Variants in PARD3B observed in about 807,000 individuals in gnomAD.
PARD3B encodes the protein par-3 family cell polarity regulator beta.
A neutral mutation model predicts 130.2 loss-of-function variants in PARD3B; 103 were observed. The observed-to-expected ratio is 0.79, with a 90% CI of 0.67 to 0.93. The LOEUF (loss-of-function observed/expected upper bound fraction) is 0.93, where lower values mean the gene tolerates loss of function less well. Among genes scored for constraint, PARD3B ranks in the 40% least tolerant of loss-of-function variants. The pLI, the probability that PARD3B is intolerant of heterozygous loss-of-function variation, is 0.00. For synonymous variants in PARD3B, 583 were observed against 553.2 expected, an observed-to-expected ratio of 1.05 and a Z score of -0.76; for missense variants, 1,609 against 1,499.2, an observed-to-expected ratio of 1.07 and a Z score of -1.21.
At position 204,705,825 on chromosome 2, in the gene PARD3B, A is replaced by G. The variant is rs2038115136; in HGVS notation, c.222+19543A>G. On this transcript the variant is annotated intron_variant, in intron 2 of 22. Transcript: ENST00000406610. ...GCAGCAGGTACTTAAGTTTGACCGA[A>G]CGCTAGCCAAGTGCATTATAAGGTG... Among the ~76,000 whole-genome samples, 4 of 152,164 alleles carry G rather than the reference A, an allele frequency of 2.6e-5. No homozygotes were observed. In the South Asian group the frequency reaches 8.3e-4, roughly 32 times the overall value.
rs1420518232 is a variant in PARD3B, at chr2:204,734,382, C to T, written c.222+48100C>T. ...GACATTTTCATAAGTTAAACCTGTG[C>T]TTAGCCATTGTGTTCTTAAGTATCT... On this transcript the variant is annotated intron_variant, in intron 2 of 22. Coordinates refer to ENST00000406610, the MANE Select transcript of PARD3B (RefSeq NM_001302769.2). Among the ~76,000 whole-genome samples, 5 of 152,148 alleles carry T rather than the reference C, an allele frequency of 3.3e-5. No homozygotes were observed. In the East Asian group the frequency reaches 9.6e-4, roughly 29 times the overall value.
rs200122770 is a variant in PARD3B, at chr2:205,401,056, A to G, written c.2674A>G (p.Lys892Glu). The G allele has an allele frequency of 5.6e-4, 900 of 1,604,050 alleles. 3 individuals are homozygous for G. Among genetic ancestry groups the G allele is most frequent in the Non-Finnish European group, 7.2e-4 (848 of 1,175,516 alleles). The change falls in exon 19 of 23, where the codon AAA becomes GAA. Residue 892 changes from lysine (K) to glutamate (E), a missense_variant. Coordinates refer to ENST00000406610, the MANE Select transcript of PARD3B (RefSeq NM_001302769.2). ...GGATAAGGGTGGAAAGGCTGAGCAGAAAGGTACTCTGAAACATGGTGGCCT... is the reference window on the plus strand; with the variant it reads ...GGATAAGGGTGGAAAGGCTGAGCAGGAAGGTACTCTGAAACATGGTGGCCT... ...KEDKGGKAEQ[K>E]GTLKHGGLRE...
chr2:205,363,862 T>TCC (rs1559704182), intron 18 of PARD3B, among the ~76,000 whole-genome samples: 6 of 95,602 alleles, frequency 6.3e-5, no homozygotes, highest in African/African-American at 2.8e-4. Context: ...TTTTTTTTTT[T>TCC]CGCCATGTTG....
chr2:205,226,204 G>C lies in PARD3B; in HGVS notation c.2141-19574G>C, dbSNP rs150184176. Among the ~76,000 whole-genome samples, 976 of 152,218 alleles carry C rather than the reference G, an allele frequency of 6.4e-3. 13 individuals carry two copies. The highest frequency in any genetic ancestry group is 0.022 in the African/African-American group (926 of 41,522). ...CTACAGGTGCCTGCCACCACGCCCG[G>C]CTAATTTTTTGTGTTTTTAGTAGAG... On this transcript the variant is annotated intron_variant, in intron 15 of 22. Transcript: ENST00000406610.
At chr2:205,153,479 T>C (rs2033899823) in intron 10 of PARD3B, among the ~76,000 whole-genome samples, 1 of 152,148 alleles carries the variant, frequency 6.6e-6, no homozygotes, top group Admixed American at 6.5e-5. Context: ...CCCAAGGTAA[T>C]TTATAGATTC....
At chr2:204,667,753 C>T (rs1280684678) in intron 1 of PARD3B, among the ~76,000 whole-genome samples, 2 of 152,142 alleles carry the variant, frequency 1.3e-5, no homozygotes, top group East Asian at 1.9e-4. Flanking sequence ...GAAAAGGCAG[C>T]GCTTTCATAG....
chr2:204,715,645 G>T (rs1183020066), intron 2 of PARD3B, among the ~76,000 whole-genome samples: 1 of 152,098 alleles, frequency 6.6e-6, no homozygotes, highest in African/African-American at 2.4e-5. Flanking sequence ...TTTGAAATTT[G>T]CAAGGAGTCT....
At chr2:204,654,762 C>T (rs549862904) in intron 1 of PARD3B, among the ~76,000 whole-genome samples, 58 of 152,252 alleles carry the variant, frequency 3.8e-4, no homozygotes, top group African/African-American at 1.4e-3. Context: ...TATTTTGAAG[C>T]ATAATACTCA....
chr2:204,746,235 GT>G (rs1329022550), intron 2 of PARD3B, among the ~76,000 whole-genome samples: 5 of 148,204 alleles, frequency 3.4e-5, no homozygotes, highest in African/African-American at 7.5e-5. Context: ...TGCAGTGTTT[GT>G]TTTTTTGTGC....
chr2:205,454,232 A>G (rs2048197531), intron 20 of PARD3B, among the ~76,000 whole-genome samples: 1 of 152,126 alleles, frequency 6.6e-6, no homozygotes, highest in African/African-American at 2.4e-5. Context: ...CCTTTTCATT[A>G]TACAATCTTT....
At chr2:204,940,292 T>C (rs1398412688) in intron 2 of PARD3B, among the ~76,000 whole-genome samples, 1 of 152,160 alleles carries the variant, frequency 6.6e-6, no homozygotes, top group East Asian at 1.9e-4. Flanking sequence ...CAGTCCCTTG[T>C]TTCTTCCCTG....
chr2:204,896,667 C>A (rs1342713273), intron 2 of PARD3B, among the ~76,000 whole-genome samples: 4 of 152,094 alleles, frequency 2.6e-5, no homozygotes, highest in Non-Finnish European at 5.9e-5. Flanking sequence ...ATTATCAGTA[C>A]AAGTACTCCT....
At chr2:205,526,524 G>C (rs2051344016) in intron 21 of PARD3B, among the ~76,000 whole-genome samples, 1 of 152,126 alleles carries the variant, frequency 6.6e-6, no homozygotes, top group African/African-American at 2.4e-5. Flanking sequence ...ACTCTAACTT[G>C]ATAGCAAGCT....
chr2:204,923,677 T>A (rs1417380611), intron 2 of PARD3B, among the ~76,000 whole-genome samples: 3 of 152,072 alleles, frequency 2.0e-5, no homozygotes, highest in African/African-American at 2.4e-5. Flanking sequence ...TCTTAATTAT[T>A]GTTCCTATTT....
intron 2 of PARD3B, among the ~76,000 whole-genome samples, chr2:204,847,332 T>C (rs534238629): frequency 3.2e-4 from 49 of 152,160 alleles, no homozygotes; most frequent in Non-Finnish European, 6.5e-4. Flanking sequence ...TGTATACACA[T>C]GCAGAATTGA....
chr2:205,292,361 CA>C lies in PARD3B; in HGVS notation c.2186-8166del, dbSNP rs1373612013. On this transcript the variant is annotated intron_variant, in intron 16 of 22. Coordinates refer to ENST00000406610, the MANE Select transcript of PARD3B (RefSeq NM_001302769.2). This position sits in a 1 kb window ranked among gnomAD's most constrained non-coding sequence, Gnocchi z 5.3. ...CAGGAAGCAGGCCCTCACCAGACAC[CA>C]AATCTGTCAGCACCTTGATCTTGAA... Among the ~76,000 whole-genome samples the C allele has an allele frequency of 6.6e-6, 1 of 152,126 alleles. No individual in the cohort carries two copies. The highest frequency in any genetic ancestry group is 1.9e-4 in the East Asian group (1 of 5,202).
At chr2:205,102,249 A>G (rs2125567641) in intron 4 of PARD3B, among the ~76,000 whole-genome samples, 1 of 152,232 alleles carries the variant, frequency 6.6e-6, no homozygotes, top group African/African-American at 2.4e-5. Context: ...ATACAACATT[A>G]GAAAATTAAT....
intron 3 of PARD3B, among the ~76,000 whole-genome samples, chr2:204,990,365 C>T (rs574959547): frequency 6.6e-6 from 1 of 151,898 alleles, no homozygotes; most frequent in South Asian, 2.1e-4. Context: ...ATTAGCGTAT[C>T]ACCTCAAACA....
chr2:204,808,014 C>G (rs917043117), intron 2 of PARD3B, among the ~76,000 whole-genome samples: 2 of 151,734 alleles, frequency 1.3e-5, no homozygotes, highest in African/African-American at 2.4e-5. Context: ...TGATGCATAC[C>G]CCATTTACTC....
Sources: gnomAD v4.1 joint callset for allele counts (sites outside exome capture counted in the v4.1 genomes callset) on GRCh38, gnomAD v4.1.1 for gene constraint, Gnocchi (gnomAD v3.1) non-coding constraint, MANE v1.5 for transcripts, NCBI Gene and HGNC (gene_info 2026-07-23, HGNC 2026-07-21) for gene names.